Variants in IARS2 observed in about 807,000 individuals in gnomAD.
IARS2 encodes the protein isoleucine--tRNA ligase, mitochondrial.
In IARS2, 56 loss-of-function variants were observed where a neutral mutation model predicts 126.3. The ratio of observed to expected loss-of-function variants is 0.44; its 90% CI spans 0.36 to 0.55. The LOEUF (loss-of-function observed/expected upper bound fraction) is 0.55. IARS2 is among the 20% of genes least tolerant of loss of function. The probability of loss-of-function intolerance (pLI) is 0.00; values close to 1 mark genes in which losing one functional copy is unlikely to be tolerated. For synonymous variants in IARS2, 407 were observed against 441.1 expected, an observed-to-expected ratio of 0.92 and a Z score of 0.97; for missense variants, 1,127 against 1,245.9, an observed-to-expected ratio of 0.90 and a Z score of 1.44.
chr1:220,098,930 C>T (rs906565631), intron 2 of IARS2, among the ~76,000 whole-genome samples: 3 of 151,936 alleles, frequency 2.0e-5, no homozygotes, highest in South Asian at 2.1e-4. Context: ...ACAATGCAAG[C>T]GGCTGGGCGT....
chr1:220,110,657 G>C, intron 10 of IARS2, 129 bp from the exon 11 acceptor site: 1 of 688,966 alleles, frequency 1.5e-6, no homozygotes, highest in Non-Finnish European at 2.4e-6. Context: ...AGCCACTGTG[G>C]CTGGCAAGGT....
chr1:220,133,531 G>A (rs1198270700), intron 14 of IARS2, among the ~76,000 whole-genome samples: 2 of 152,172 alleles, frequency 1.3e-5, no homozygotes, highest in Non-Finnish European at 2.9e-5. Flanking sequence ...TAAATTTTCA[G>A]TCTTAGGACA....
Position 220,128,930 on chromosome 1 carries a change from C to G in IARS2, c.1837+2087C>G, listed in dbSNP as rs148845849. ...TTTTTTTTTTTTTTCGAGACAGTGT[C>G]TCACTCTGTTGCCCAGGATGGAGTG... On this transcript the variant is annotated intron_variant, in intron 14 of 22. Transcript: ENST00000366922. Among the ~76,000 whole-genome samples the G allele has an allele frequency of 2.7e-5, 4 of 149,242 alleles. No individual in the cohort carries two copies. In the East Asian group the frequency reaches 7.9e-4, roughly 29 times the overall value.
At chr1:220,104,940 A>C (rs1656649747) in intron 8 of IARS2, among the ~76,000 whole-genome samples, 1 of 152,194 alleles carries the variant, frequency 6.6e-6, no homozygotes, top group South Asian at 2.1e-4. Context: ...TGCCTAGCTA[A>C]ATAGGAAAGC....
chr1:220,136,881 T>G lies in IARS2; in HGVS notation c.2019T>G (p.Ile673Met), dbSNP rs1449726088. 4 of 1,610,256 alleles carry G rather than the reference T, an allele frequency of 2.5e-6. No homozygotes were observed. In the African/African-American group the frequency reaches 4.0e-5, roughly 16 times the overall value. The change falls in exon 16 of 23, where the codon ATT becomes ATG. Residue 673 changes from isoleucine (I) to methionine (M), a missense_variant. Transcript: ENST00000366922. Reference sequence around the variant, plus strand: ...TGTCCAAGTCTCTTGGGAATGTCATTCATCCTGATGTTGTCGTTAATGGAG... The same window carrying G: ...TGTCCAAGTCTCTTGGGAATGTCATGCATCCTGATGTTGTCGTTAATGGAG... Reference protein sequence around the residue: ...EKMSKSLGNVIHPDVVVNGGQ... With the variant: ...EKMSKSLGNVMHPDVVVNGGQ...
At chr1:220,098,889 A>G (rs1458456659) in intron 2 of IARS2, among the ~76,000 whole-genome samples, 1 of 152,168 alleles carries the variant, frequency 6.6e-6, no homozygotes, top group Non-Finnish European at 1.5e-5. Context: ...TCCTGTTCAT[A>G]TGACTGAAAG....
rs755114732 is a variant in IARS2 at position 220,125,305 on chromosome 1, C to G, written c.1709C>G (p.Pro570Arg). Reference protein sequence around the residue: ...HGSDIWWTLPPEQLLPKEVLS... With the variant: ...HGSDIWWTLPREQLLPKEVLS... Reference sequence around the variant, plus strand: ...AGTGATATCTGGTGGACTCTTCCCCCTGAACAACTTCTTCCAAAAGAAGTC... The same window carrying G: ...AGTGATATCTGGTGGACTCTTCCCCGTGAACAACTTCTTCCAAAAGAAGTC... Residue 570 changes from proline to arginine, a missense_variant, in exon 13 of 23, where the codon CCT becomes CGT. Transcript: ENST00000366922. 3.1e-6 allele frequency: 5 copies of G among 1,613,536 alleles called. No individual in the cohort carries two copies. Among genetic ancestry groups the G allele is most frequent in the Non-Finnish European group, 1.7e-6 (2 of 1,179,528 alleles).
At chr1:220,135,520 C>T (rs755122839) in intron 15 of IARS2, among the ~76,000 whole-genome samples, 4 of 151,926 alleles carry the variant, frequency 2.6e-5, no homozygotes, top group South Asian at 4.2e-4. Context: ...CCACCATGCC[C>T]GGCTAATTTT....
chr1:220,115,398 C>T (rs188202281), intron 12 of IARS2, among the ~76,000 whole-genome samples: 78 of 150,128 alleles, frequency 5.2e-4, no homozygotes, highest in Middle Eastern at 3.5e-3. Flanking sequence ...CCATCTCTAC[C>T]GAAAATACAA....
At chr1:220,130,384 A>G (rs1011024285) in intron 14 of IARS2, among the ~76,000 whole-genome samples, 12 of 151,730 alleles carry the variant, frequency 7.9e-5, no homozygotes, top group African/African-American at 2.7e-4. Context: ...CCATTTGTCT[A>G]TTTTCGCTCC....
intron 2 of IARS2, among the ~76,000 whole-genome samples, chr1:220,096,921 C>T (rs181090089): frequency 6.6e-6 from 1 of 152,140 alleles, no homozygotes; most frequent in East Asian, 1.9e-4. Context: ...TGGCGGGAGC[C>T]TATAGTCCCA....
In IARS2 at chr1:220,128,830, A is replaced by C. The variant is rs1018016936; in HGVS notation, c.1837+1987A>C. On this transcript the variant is annotated intron_variant, in intron 14 of 22. Transcript: ENST00000366922. Reference sequence around the variant, plus strand: ...GTGCACGTTATATTTGGCGCTGTCAAGTGGGTTAAAATCCATGAAAACTGG... The same window carrying C: ...GTGCACGTTATATTTGGCGCTGTCACGTGGGTTAAAATCCATGAAAACTGG... Among the ~76,000 whole-genome samples the C allele has an allele frequency of 3.3e-5, 5 of 152,042 alleles. No homozygotes were observed. In the South Asian group the frequency reaches 1.0e-3, roughly 32 times the overall value.
At chr1:220,125,732 A>T (rs551936027) in intron 13 of IARS2, among the ~76,000 whole-genome samples, 1 of 148,562 alleles carries the variant, frequency 6.7e-6, no homozygotes. Flanking sequence ...TTGAGCCTGG[A>T]AGACAGGTTG....
chr1:220,117,769 A>G, intron 12 of IARS2: 1 of 440,846 alleles, frequency 2.3e-6, no homozygotes, highest in South Asian at 1.8e-5. Flanking sequence ...TTATTTACTC[A>G]ATACATTTAC....
intron 2 of IARS2, among the ~76,000 whole-genome samples, chr1:220,099,883 G>A (rs1405609980): frequency 6.6e-6 from 1 of 152,058 alleles, no homozygotes; most frequent in Non-Finnish European, 1.5e-5. Context: ...TTTTTAAAGG[G>A]GGGAAGGGAT....
At chr1:220,111,559 T>C (rs1161007672) in intron 11 of IARS2, among the ~76,000 whole-genome samples, 1 of 149,752 alleles carries the variant, frequency 6.7e-6, no homozygotes, top group Non-Finnish European at 1.5e-5. Context: ...TCATTTAATA[T>C]GTATCTTTCT....
intron 14 of IARS2, among the ~76,000 whole-genome samples, chr1:220,127,228 C>T (rs903444042): frequency 6.6e-6 from 1 of 152,156 alleles, no homozygotes; most frequent in African/African-American, 2.4e-5. Context: ...GACTTAGAGC[C>T]AAATTAGGTG....
intron 2 of IARS2, among the ~76,000 whole-genome samples, chr1:220,099,966 T>G (rs1656537582): frequency 6.6e-6 from 1 of 152,200 alleles, no homozygotes; most frequent in Admixed American, 6.5e-5. Context: ...TCTGGACTAC[T>G]GGGCTAGTGG....
In IARS2 at chr1:220,147,996, T is replaced by C. The variant is rs1263682775; in HGVS notation, c.*361T>C. On this transcript the variant is annotated 3_prime_UTR_variant, in exon 23 of 23. Transcript: ENST00000366922. ...TTTTATAAATCATCTTTTGACTCTG[T>C]ATTTAAATTCTATGATACTGAAAAT... The C allele has an allele frequency of 5.2e-6, 2 of 386,944 alleles. No homozygotes were observed. Among genetic ancestry groups the C allele is most frequent in the African/African-American group, 4.1e-5 (2 of 48,394 alleles). 24.0% of individuals were successfully genotyped at this position (386,944 alleles called of 1,614,324 possible).
Sources: gnomAD v4.1 joint callset for allele counts (sites outside exome capture counted in the v4.1 genomes callset) on GRCh38, gnomAD v4.1.1 for gene constraint, MANE v1.5 for transcripts, NCBI Gene and HGNC (gene_info 2026-07-23, HGNC 2026-07-21) for gene names.